SHE: variants seen among roughly 807,000 people sequenced by gnomAD.
SHE encodes the protein Src homology 2 domain containing E.
In SHE, 11 loss-of-function variants were observed where a neutral mutation model predicts 49.8. The ratio of observed to expected loss-of-function variants is 0.22; its 90% confidence interval spans 0.14 to 0.37. SHE has a LOEUF of 0.37. SHE is among the 10% of genes least tolerant of loss of function. The pLI is 1.00. For synonymous variants in SHE, 310 were observed against 278.1 expected (o/e 1.11, Z -1.14); for missense variants, 624 against 655.5 (o/e 0.95, Z 0.52).
At chr1:154,485,882 G>A (rs939162485) in intron 5 of SHE, 61 bp downstream of exon 5, 1 of 1,578,134 alleles carries the variant, frequency 6.3e-7, no homozygotes, top group East Asian at 2.3e-5. Flanking sequence ...TTTTTGACTA[G>A]AAGACTGTCA....
chr1:154,486,194 C>G, intron 4 of SHE, 132 bp from the exon 5 acceptor site: 1 of 1,250,222 alleles, frequency 8.0e-7, no homozygotes, highest in Non-Finnish European at 1.1e-6. Flanking sequence ...CTAGATCCTG[C>G]TTCACATTCA....
intron 3 of SHE, among the ~76,000 whole-genome samples, chr1:154,486,914 A>T (rs1306962613): frequency 1.3e-5 from 2 of 152,224 alleles, no homozygotes; most frequent in Non-Finnish European, 2.9e-5. Context: ...ATTCATCAGT[A>T]TAAAACAGTT....
Position 154,502,078 on chromosome 1 carries a change from C to T in SHE, c.-52G>A. 8.2e-7 allele frequency: 1 copy of T among 1,224,244 alleles called. No homozygotes were observed. Among genetic ancestry groups the T allele is most frequent in the Non-Finnish European group, 1.0e-6 (1 of 980,254 alleles). 75.8% of individuals were successfully genotyped at this position (1,224,244 alleles called of 1,614,324 possible). On this transcript the variant is annotated 5_prime_UTR_variant, in exon 1 of 6. Coordinates refer to ENST00000304760, the MANE Select transcript of SHE (RefSeq NM_001010846.3). ...GCGGCGAGGCCCCGCGACGGCTGCT[C>T]CGTGCGCCCCCGGCCGGCCGTCGCC... is the stretch of plus-strand genomic sequence containing the variant.
Position 154,481,127 on chromosome 1 carries a change from T to C in SHE, c.*3022A>G. 1.0e-6 allele frequency: 1 copy of C among 985,388 alleles called. No individual in the cohort carries two copies. The highest frequency in any genetic ancestry group is 1.2e-6 in the Non-Finnish European group (1 of 829,936). 61.0% of individuals were successfully genotyped at this position (985,388 alleles called of 1,614,324 possible). A position where few individuals can be genotyped will look rare whatever the true frequency, so the allele number is the denominator to read the frequency against. On this transcript the variant is annotated 3_prime_UTR_variant, in exon 6 of 6. Transcript: ENST00000304760. ...GAGCTCAGAGAACATGTCACAGAGC[T>C]TCAGATCAGCTGGCCATGGAGGTTT...
rs1282542913 is a variant in SHE, at chr1:154,482,899, T to C, written c.*1250A>G. The stretch of plus-strand genomic sequence containing the variant: ...AGTTCATATAATCAGATCTTAGGGT[T>C]GCATTTTTAAAAAATTTACTACAAA... On this transcript the variant is annotated 3_prime_UTR_variant, in exon 6 of 6. Coordinates refer to ENST00000304760, the MANE Select transcript of SHE (RefSeq NM_001010846.3). 1.0e-6 allele frequency: 1 copy of C among 985,190 alleles called. No homozygotes were observed. Among genetic ancestry groups the C allele is most frequent in the Non-Finnish European group, 1.2e-6 (1 of 829,806 alleles). 61.0% of individuals were successfully genotyped at this position (985,190 alleles called of 1,614,324 possible). A position where few individuals can be genotyped will look rare whatever the true frequency, so the allele number is the denominator to read the frequency against.
intron 2 of SHE, among the ~76,000 whole-genome samples, chr1:154,491,512 A>G (rs147629789): frequency 2.2e-4 from 33 of 152,128 alleles, no homozygotes; most frequent in African/African-American, 7.7e-4. Flanking sequence ...ATACCCCACA[A>G]AGTTAAACAG....
chr1:154,492,326 T>C (rs889473001), intron 2 of SHE, among the ~76,000 whole-genome samples: 1 of 152,256 alleles, frequency 6.6e-6, no homozygotes, highest in Non-Finnish European at 1.5e-5. Flanking sequence ...CCCCAGGTGA[T>C]TCTAAAGAGC....
downstream of SHE, among the ~76,000 whole-genome samples, chr1:154,477,497 C>T (rs1191734700): frequency 6.6e-6 from 1 of 152,166 alleles, no homozygotes; most frequent in African/African-American, 2.4e-5. Flanking sequence ...TAAGCCACTA[C>T]ACTTGGCCTA....
At position 154,481,724 on chromosome 1, in the gene SHE, TAATA is replaced by T. The variant is rs941078773; in HGVS notation, c.*2421_*2424del. The T allele has an allele frequency of 1.7e-5, 16 of 957,240 alleles. No individual in the cohort carries two copies. Among genetic ancestry groups the T allele is most frequent in the African/African-American group, 8.8e-5 (5 of 56,640 alleles). 59.3% of individuals were successfully genotyped at this position (957,240 alleles called of 1,614,324 possible). A position where few individuals can be genotyped will look rare whatever the true frequency, so the allele number is the denominator to read the frequency against. Reference sequence around the variant, plus strand: ...ACACAATGAATAATTTGTATAAAGATAATAAATATTTGTTGAATGGATGCTGAAA... The same window carrying T: ...ACACAATGAATAATTTGTATAAAGATAATATTTGTTGAATGGATGCTGAAA... On this transcript the variant is annotated 3_prime_UTR_variant, in exon 6 of 6. Coordinates refer to ENST00000304760, the MANE Select transcript of SHE (RefSeq NM_001010846.3).
chr1:154,472,315 G>A (rs1691765947), intron 1 of SHE, among the ~76,000 whole-genome samples: 1 of 152,244 alleles, frequency 6.6e-6, no homozygotes, highest in Admixed American at 6.5e-5. Flanking sequence ...ACTCACGCAG[G>A]CAGCGTGTTT....
chr1:154,485,923 A>G lies in SHE; in HGVS notation c.1301+20T>C, dbSNP rs1186828448. 1.2e-6 allele frequency: 2 copies of G among 1,608,088 alleles called. No homozygotes were observed. The highest frequency in any genetic ancestry group is 1.7e-6 in the Non-Finnish European group (2 of 1,174,850). On this transcript the variant is annotated intron_variant, in intron 5 of 5. Coordinates refer to ENST00000304760, the MANE Select transcript of SHE (RefSeq NM_001010846.3). ...TGTTCCTTCCCCTTGGAGATGAGGA[A>G]AGCCATGGGGCTTACTTACTTTAGG...
At chr1:154,493,339 A>G (rs1692424872) in intron 2 of SHE, among the ~76,000 whole-genome samples, 1 of 152,220 alleles carries the variant, frequency 6.6e-6, no homozygotes, top group African/African-American at 2.4e-5. Context: ...CTGAGGCGCC[A>G]TAGAAACAGA....
chr1:154,474,996 G>A (rs1288479919), downstream of SHE, among the ~76,000 whole-genome samples: 2 of 152,186 alleles, frequency 1.3e-5, no homozygotes, highest in African/African-American at 4.8e-5. Context: ...AGTATGCCTG[G>A]TCAGCCACAC....
Position 154,480,336 on chromosome 1 carries a change from C to CTA in SHE, c.*3811_*3812dup, listed in dbSNP as rs1042699587. 2 of 985,402 alleles carry CTA rather than the reference C, an allele frequency of 2.0e-6. No individual in the cohort carries two copies. Among genetic ancestry groups the CTA allele is most frequent in the African/African-American group, 3.5e-5 (2 of 57,336 alleles). The allele number at this position is 985,402 out of a possible 1,614,324, so 61.0% of individuals were successfully genotyped here. A position where few individuals can be genotyped will look rare whatever the true frequency, so the allele number is the denominator to read the frequency against. ...CCTGGAAGGAGGGAGAAACAAGGGG[C>CTA]TAACCTTTGACTGAAAAAGGGCATC... is the stretch of plus-strand genomic sequence containing the variant. On this transcript the variant is annotated 3_prime_UTR_variant, in exon 6 of 6. Transcript: ENST00000304760.
chr1:154,486,772 T>A, intron 3 of SHE, 89 bp from the exon 4 acceptor site: 1 of 1,480,456 alleles, frequency 6.8e-7, no homozygotes, highest in Non-Finnish European at 9.2e-7. Context: ...CTGCCTTGGC[T>A]CAGGAAAGAA....
intron 5 of SHE, chr1:154,484,975 A>AG (rs1476784263): frequency 3.3e-5 from 5 of 151,736 alleles, no homozygotes; most frequent in Admixed American, 3.3e-4. Context: ...AAAAAAAAAA[A>AG]AAAAGAAAAA....
intron 1 of SHE, chr1:154,470,415 C>T (rs1366832777): frequency 7.8e-7 from 1 of 1,286,804 alleles, no homozygotes; most frequent in Non-Finnish European, 1.0e-6. Context: ...TCTAAGAAAG[C>T]ATTTTCCTTA....
intron 2 of SHE, among the ~76,000 whole-genome samples, chr1:154,498,564 A>C (rs1013430673): frequency 6.7e-6 from 1 of 149,430 alleles, no homozygotes; most frequent in Middle Eastern, 3.4e-3. Context: ...CACCCGGCTA[A>C]TTTTTGTATT....
chr1:154,477,417 G>A (rs1691903759), downstream of SHE, among the ~76,000 whole-genome samples: 1 of 152,026 alleles, frequency 6.6e-6, no homozygotes. Context: ...CGTTGCCCGG[G>A]CTGGTCTCGA....
Sources: allele counts gnomAD v4.1 joint callset (sites outside exome capture counted in the v4.1 genomes callset), GRCh38; gene constraint gnomAD v4.1.1; transcripts MANE v1.5; gene names NCBI Gene and HGNC (gene_info 2026-07-23, HGNC 2026-07-21).